Variants in TMEM178A observed in about 807,000 individuals in gnomAD.
TMEM178A encodes the protein transmembrane protein 178A.
A neutral mutation model predicts 29.1 loss-of-function variants in TMEM178A; 12 were observed. The observed-to-expected ratio is 0.41, with a 90% CI of 0.26 to 0.67. The LOEUF (loss-of-function observed/expected upper bound fraction) is 0.67, where lower values mean the gene tolerates loss of function less well. Among genes scored for constraint, TMEM178A ranks in the 30% least tolerant of loss-of-function variants. The probability of loss-of-function intolerance (pLI) is 0.29; values close to 1 mark genes in which losing one functional copy is unlikely to be tolerated. For missense variants in TMEM178A, 366 were observed against 419.1 expected, an observed-to-expected ratio of 0.87 and a Z score of 1.11; for synonymous variants, 210 against 187.2, an observed-to-expected ratio of 1.12 and a Z score of -0.99.
intron 3 of TMEM178A, among the ~76,000 whole-genome samples, chr2:39,714,384 A>C (rs2540235): frequency 0.64 from 96,428 of 151,494 alleles, 33,279 homozygotes; most frequent in African/African-American, 0.9. Flanking sequence ...CATAGAGATA[A>C]CACTTAAATT....
At chr2:39,715,021 A>G (rs1274627955) in intron 3 of TMEM178A, among the ~76,000 whole-genome samples, 15 of 152,198 alleles carry the variant, frequency 9.9e-5, no homozygotes. Flanking sequence ...CCCTAGATGA[A>G]GAAACCAAGG....
rs138807729 is a variant in TMEM178A at position 39,707,112 on chromosome 2, T to C, written c.578T>C (p.Ile193Thr). 14 of 1,614,086 alleles carry C rather than the reference T, an allele frequency of 8.7e-6. No individual in the cohort carries two copies. The highest frequency in any genetic ancestry group is 6.7e-5 in the East Asian group (3 of 44,898). Residue 193 changes from isoleucine to threonine, a missense_variant, in exon 3 of 4, where the codon ATT becomes ACT. Physicochemically the swap from Ile to Thr is moderately conservative, Grantham distance 89 (BLOSUM62 -1). This residue lies in a region of TMEM178A where 119 missense variants were observed against 172.2 expected (regional missense o/e 0.69). Coordinates refer to ENST00000281961, the MANE Select transcript of TMEM178A (RefSeq NM_152390.3). ...MAVAVLLCGC[I>T]VATVSFFWEE... ...GTAGCCGTCCTTCTCTGCGGCTGCA[T>C]TGTGGCCACAGTCAGTTTCTTCTGG...
chr2:39,678,272 C>G (rs76856876), intron 1 of TMEM178A, among the ~76,000 whole-genome samples: 6,637 of 152,220 alleles, frequency 0.044, 427 homozygotes, highest in African/African-American at 0.14. Flanking sequence ...GACAAAAACA[C>G]TGTACATAAA....
intron 1 of TMEM178A, among the ~76,000 whole-genome samples, chr2:39,686,296 G>A (rs1487043485): frequency 6.6e-6 from 1 of 152,204 alleles, no homozygotes. Context: ...TGGTTGTCCA[G>A]CCCCAGGCTT....
At chr2:39,672,082 A>C (rs968934783) in intron 1 of TMEM178A, among the ~76,000 whole-genome samples, 2 of 152,226 alleles carry the variant, frequency 1.3e-5, no homozygotes. Context: ...CAGTGTGCTG[A>C]GGCTGAACAT....
At chr2:39,734,376 T>C in the TMEM178A span, among the ~76,000 whole-genome samples, 817 of 152,348 alleles carry the variant, frequency 5.4e-3, 7 homozygotes, top group African/African-American at 0.019. Context: ...GGTTGTTCCA[T>C]CTCAGTTTTC....
chr2:39,671,219 C>T (rs1193140824), intron 1 of TMEM178A, among the ~76,000 whole-genome samples: 1 of 152,162 alleles, frequency 6.6e-6, no homozygotes. Context: ...TTCATTGGGT[C>T]TGCTTTTCAC....
At chr2:39,726,081 T>A in the TMEM178A span, among the ~76,000 whole-genome samples, 1 of 151,834 alleles carries the variant, frequency 6.6e-6, no homozygotes, top group East Asian at 1.9e-4. Flanking sequence ...AGGAAAAAAG[T>A]AAAAAATCTT....
At chr2:39,729,331 G>A in the TMEM178A span, among the ~76,000 whole-genome samples, 2 of 152,188 alleles carry the variant, frequency 1.3e-5, no homozygotes, top group Non-Finnish European at 2.9e-5. Flanking sequence ...ATTCCATGGT[G>A]CCTGGTTCCT....
chr2:39,712,643 C>T (rs767328530), intron 3 of TMEM178A, among the ~76,000 whole-genome samples: 33 of 151,774 alleles, frequency 2.2e-4, no homozygotes, highest in Non-Finnish European at 3.5e-4. Context: ...TAGTAAGGAC[C>T]GAGCTCAGGA....
intron 1 of TMEM178A, among the ~76,000 whole-genome samples, chr2:39,675,593 T>C (rs1670583984): frequency 6.6e-6 from 1 of 152,126 alleles, no homozygotes; most frequent in East Asian, 1.9e-4. Flanking sequence ...AGGCCCCAGA[T>C]TGTAATTTTG....
chr2:39,676,594 T>G (rs1670635281), intron 1 of TMEM178A, among the ~76,000 whole-genome samples: 2 of 152,220 alleles, frequency 1.3e-5, no homozygotes, highest in Non-Finnish European at 1.5e-5. Context: ...GACCATGATT[T>G]TCTTAGACCA....
At chr2:39,714,392 A>C (rs755173466) in intron 3 of TMEM178A, among the ~76,000 whole-genome samples, 5 of 152,178 alleles carry the variant, frequency 3.3e-5, no homozygotes, top group African/African-American at 4.8e-5. Context: ...TAACACTTAA[A>C]TTAATACAAA....
chr2:39,675,429 C>T (rs961461812), intron 1 of TMEM178A, among the ~76,000 whole-genome samples: 5 of 151,948 alleles, frequency 3.3e-5, no homozygotes, highest in African/African-American at 4.8e-5. Flanking sequence ...TTTTGTATGC[C>T]ATACAAATGT....
chr2:39,692,908 C>T (rs962537908), intron 1 of TMEM178A, among the ~76,000 whole-genome samples: 3 of 152,168 alleles, frequency 2.0e-5, no homozygotes, highest in Non-Finnish European at 4.4e-5. Context: ...AGAAAAAATA[C>T]ATTCCCAAAT....
intron 1 of TMEM178A, among the ~76,000 whole-genome samples, chr2:39,690,161 A>G (rs968479906): frequency 6.6e-6 from 1 of 152,230 alleles, no homozygotes; most frequent in South Asian, 2.1e-4. Flanking sequence ...ACCATTGCGT[A>G]GATCTCAAAA....
At chr2:39,696,999 A>T (rs2716723) in intron 1 of TMEM178A, among the ~76,000 whole-genome samples, 3,878 of 152,202 alleles carry the variant, frequency 0.025, 174 homozygotes, top group African/African-American at 0.089. Flanking sequence ...CTTTTCAGAG[A>T]GCCAGATTCA....
At chr2:39,669,840 T>C (rs1239467121) in intron 1 of TMEM178A, among the ~76,000 whole-genome samples, 1 of 152,246 alleles carries the variant, frequency 6.6e-6, no homozygotes, top group Non-Finnish European at 1.5e-5. Flanking sequence ...GCTTTAGAGA[T>C]ATTACATTCA....
chr2:39,734,678 TCTAGA>T, the TMEM178A span, among the ~76,000 whole-genome samples: 1 of 152,226 alleles, frequency 6.6e-6, no homozygotes, highest in African/African-American at 2.4e-5. Flanking sequence ...GTTTAGACTG[TCTAGA>T]CTAGTCTAAA....
Sources: allele counts gnomAD v4.1 joint callset (sites outside exome capture counted in the v4.1 genomes callset), GRCh38; gene constraint gnomAD v4.1.1; regional missense constraint gnomAD v4.1.1; transcripts MANE v1.5; gene names NCBI Gene and HGNC (gene_info 2026-07-23, HGNC 2026-07-21).